The following DHX9 variants were observed in gnomAD, a reference collection of about 807,000 sequenced individuals.
DHX9 encodes ATP-dependent RNA helicase A.
DHX9 carries 27 observed loss-of-function variants against 148.7 expected under a neutral mutation model. That is an observed-to-expected ratio of 0.18 (90% CI 0.13 to 0.25). The LOEUF is 0.25. Ranked by LOEUF, DHX9 falls within the 10% of genes least tolerant of loss-of-function variation. The pLI is 1.00. For missense variants in DHX9, 796 were observed against 1,559.6 expected, an observed-to-expected ratio of 0.51 and a Z score of 8.25; for synonymous variants, 529 against 516.6, an observed-to-expected ratio of 1.02 and a Z score of -0.33.
intron 7 of DHX9, among the ~76,000 whole-genome samples, chr1:182,856,974 C>T (rs765071548): frequency 2.6e-5 from 4 of 152,280 alleles, no homozygotes; most frequent in African/African-American, 7.2e-5. Flanking sequence ...CTCAGCCTCC[C>T]CAGTAGCTGG....
intron 3 of DHX9, among the ~76,000 whole-genome samples, chr1:182,844,647 C>T (rs1317450602): frequency 1.3e-5 from 2 of 152,194 alleles, no homozygotes; most frequent in Non-Finnish European, 2.9e-5. Context: ...AGTTCTCCTG[C>T]CTCAGTCTCC....
At position 182,887,511 on chromosome 1, in the gene DHX9, A is replaced by C; in HGVS notation, c.*77A>C. ...CTATGTGTTACGTGTTTTTTCCAGT[A>C]TGTTTATTTGCCACCAAAAAGTAAA... On this transcript the variant is annotated 3_prime_UTR_variant, in exon 28 of 28. Coordinates refer to ENST00000367549, the MANE Select transcript of DHX9 (RefSeq NM_001357.5). The C allele has an allele frequency of 7.5e-7, 1 of 1,333,488 alleles. No individual in the cohort carries two copies. Among genetic ancestry groups the C allele is most frequent in the Non-Finnish European group, 1.0e-6 (1 of 974,044 alleles). 82.6% of individuals were successfully genotyped at this position (1,333,488 alleles called of 1,614,324 possible). A position where few individuals can be genotyped will look rare whatever the true frequency, so the allele number is the denominator to read the frequency against.
chr1:182,857,981 AAGC>A, intron 7 of DHX9, 120 bp from the exon 8 acceptor site: 1 of 944,766 alleles, frequency 1.1e-6, no homozygotes. Context: ...AAGGAACTAG[AAGC>A]CATGGCATAC....
chr1:182,856,655 G>A (rs188911137), intron 7 of DHX9, 77 bp downstream of exon 7: 64 of 1,243,678 alleles, frequency 5.1e-5, no homozygotes, highest in Middle Eastern at 2.3e-4. Flanking sequence ...CTTGAGTCAC[G>A]TATACAGAAG....
intron 27 of DHX9, among the ~76,000 whole-genome samples, chr1:182,886,631 T>G (rs1245752335): frequency 1.3e-5 from 2 of 152,358 alleles, no homozygotes; most frequent in African/African-American, 4.8e-5. Context: ...TGCAATTTTT[T>G]ATTCGCTTTA....
chr1:182,867,029 G>C lies in DHX9; in HGVS notation c.1543G>C (p.Glu515Gln). Residue 515 changes from glutamate (E) to glutamine (Q), a missense_variant, in exon 14 of 28, where the codon GAA becomes CAA. Physicochemically the swap from Glu to Gln is conservative, Grantham distance 29. This residue lies in a region of DHX9 where 5 missense variants were observed against 48.3 expected (regional missense o/e 0.10). Coordinates refer to ENST00000367549, the MANE Select transcript of DHX9 (RefSeq NM_001357.5). ...ISHVIVDEIH[E>Q]RDINTDFLLV... The stretch of plus-strand genomic sequence containing the variant: ...TCATGTAATTGTAGATGAAATACAT[G>C]AAAGAGATATTAATGTAAGTAACTT... 6.3e-7 allele frequency: 1 copy of C among 1,599,624 alleles called. No homozygotes were observed. The highest frequency in any genetic ancestry group is 8.5e-7 in the Non-Finnish European group (1 of 1,174,342).
chr1:182,867,057 G>A lies in DHX9; in HGVS notation c.1557+14G>A. The A allele has an allele frequency of 1.3e-6, 2 of 1,534,504 alleles. No homozygotes were observed. Among genetic ancestry groups the A allele is most frequent in the South Asian group, 1.2e-5 (1 of 85,272 alleles). Reference sequence around the variant, plus strand: ...AGAGATATTAATGTAAGTAACTTGAGAGGTACAGTAAGGTACTTAATTCTG... The same window carrying A: ...AGAGATATTAATGTAAGTAACTTGAAAGGTACAGTAAGGTACTTAATTCTG... On this transcript the variant is annotated intron_variant, in intron 14 of 27. Coordinates refer to ENST00000367549, the MANE Select transcript of DHX9 (RefSeq NM_001357.5).
chr1:182,855,832 A>C (rs917700115), intron 6 of DHX9: 1 of 724,052 alleles, frequency 1.4e-6, no homozygotes, highest in Non-Finnish European at 1.7e-6. Context: ...TGAAAGGACC[A>C]GAATGCATAG....
intron 14 of DHX9, among the ~76,000 whole-genome samples, chr1:182,870,023 A>T (rs1323973525): frequency 6.6e-6 from 1 of 152,250 alleles, no homozygotes; most frequent in Non-Finnish European, 1.5e-5. Context: ...GTCTGGCTGG[A>T]TAAAAGGTAA....
At chr1:182,842,960 C>T (rs975490989) in intron 2 of DHX9, among the ~76,000 whole-genome samples, 8 of 152,112 alleles carry the variant, frequency 5.3e-5, no homozygotes, top group Non-Finnish European at 8.8e-5. Context: ...TTTATAAGCA[C>T]GTTTAGAAAG....
At chr1:182,874,131 C>T (rs1467923819) in intron 15 of DHX9, among the ~76,000 whole-genome samples, 1 of 152,174 alleles carries the variant, frequency 6.6e-6, no homozygotes, top group Non-Finnish European at 1.5e-5. Context: ...ATGGTCTCCC[C>T]ATTTTTCAAA....
intron 11 of DHX9, among the ~76,000 whole-genome samples, chr1:182,859,468 T>A (rs897445200): frequency 1.3e-5 from 2 of 152,190 alleles, no homozygotes; most frequent in Non-Finnish European, 2.9e-5. Context: ...TTGGACAACA[T>A]CAAAAGATAC....
chr1:182,859,224 C>T (rs1242109615), intron 11 of DHX9, 107 bp downstream of exon 11: 1 of 925,858 alleles, frequency 1.1e-6, no homozygotes, highest in Non-Finnish European at 1.7e-6. Context: ...GAGGGCATAT[C>T]AAAAGATATG....
chr1:182,840,415 T>C lies in DHX9; in HGVS notation c.-23+959T>C, dbSNP rs560607218. Among the ~76,000 whole-genome samples the C allele has an allele frequency of 1.4e-3, 202 of 147,960 alleles. 2 individuals carry two copies. Among genetic ancestry groups the C allele is most frequent in the Non-Finnish European group, 2.1e-3 (139 of 67,442 alleles). ...CCCGGGTTCAAGTGATTCTCCTGCCTCAGCCTCCGGAGTAGCTGGGACTAC... is the reference window on the plus strand; with the variant it reads ...CCCGGGTTCAAGTGATTCTCCTGCCCCAGCCTCCGGAGTAGCTGGGACTAC... On this transcript the variant is annotated intron_variant, in intron 1 of 27. Transcript: ENST00000367549.
chr1:182,856,483 T>C, intron 6 of DHX9, 49 bp from the exon 7 acceptor site: 1 of 1,562,042 alleles, frequency 6.4e-7, no homozygotes, highest in Non-Finnish European at 8.8e-7. Flanking sequence ...CTGGATTTGC[T>C]GGTTTCTAAC....
At chr1:182,849,982 A>ACCCCCC (rs11465005) in intron 3 of DHX9, among the ~76,000 whole-genome samples, 1 of 123,946 alleles carries the variant, frequency 8.1e-6, no homozygotes, top group Non-Finnish European at 1.6e-5. Context: ...GTACACACGT[A>ACCCCCC]CCCCCCCCCC....
intron 27 of DHX9, among the ~76,000 whole-genome samples, chr1:182,885,389 T>G (rs1193145298): frequency 2.0e-5 from 3 of 152,160 alleles, no homozygotes; most frequent in Admixed American, 2.0e-4. Flanking sequence ...AGCCATATAG[T>G]CTTTATTTAG....
chr1:182,841,401 T>A (rs546185990), intron 1 of DHX9, among the ~76,000 whole-genome samples: 37 of 152,158 alleles, frequency 2.4e-4, no homozygotes, highest in Middle Eastern at 3.4e-3. Flanking sequence ...GAGACAGGAG[T>A]TTGATAGTAT....
rs898789877 is a variant in DHX9 at position 182,884,571 on chromosome 1, A to G, written c.3261-42A>G. 5.1e-6 allele frequency: 8 copies of G among 1,556,212 alleles called. No individual in the cohort carries two copies. The African/African-American group carries it at 6.8e-5, about 13-fold the overall frequency. On this transcript the variant is annotated intron_variant, in intron 26 of 27. Coordinates refer to ENST00000367549, the MANE Select transcript of DHX9 (RefSeq NM_001357.5). ...TTGAGAGATAATGGTCTTTTTCTAC[A>G]TATACTCCCTCTCTTATTTTTAATG...
Sources: gnomAD v4.1 joint callset for allele counts (sites outside exome capture counted in the v4.1 genomes callset) on GRCh38, gnomAD v4.1.1 for gene constraint, gnomAD v4.1.1 regional missense constraint, MANE v1.5 for transcripts, NCBI Gene and HGNC (gene_info 2026-07-23, HGNC 2026-07-21) for gene names.